ROBO2: variants seen among roughly 807,000 people sequenced by gnomAD.
The protein encoded by ROBO2 is roundabout homolog 2.
In ROBO2, 53 loss-of-function variants were observed where a neutral mutation model predicts 160.8. The ratio of observed to expected loss-of-function variants is 0.33; its 90% CI spans 0.26 to 0.41. The LOEUF is 0.41. ROBO2 is among the 10% of genes least tolerant of loss of function. ROBO2 has a pLI of 1.00. For synonymous variants in ROBO2, 664 were observed against 611.7 expected (o/e 1.09, Z -1.26); for missense variants, 1,577 against 1,722.4 (o/e 0.92, Z 1.49).
chr3:77,076,876 C>T (rs1318573242), intron 1 of ROBO2, among the ~76,000 whole-genome samples: 1 of 151,988 alleles, frequency 6.6e-6, no homozygotes, highest in African/African-American at 2.4e-5. Context: ...CAAACTGATA[C>T]TGATTAGTGC....
At chr3:76,810,277 G>A (rs1443169451) in intron 2 of ROBO2, among the ~76,000 whole-genome samples, 4 of 152,058 alleles carry the variant, frequency 2.6e-5, no homozygotes, top group South Asian at 2.1e-4. Flanking sequence ...TCAGTAACAC[G>A]GAGGAAGGTC....
At chr3:77,402,269 C>T (rs2153513173) in intron 2 of ROBO2, among the ~76,000 whole-genome samples, 1 of 152,102 alleles carries the variant, frequency 6.6e-6, no homozygotes, top group Non-Finnish European at 1.5e-5. Flanking sequence ...GGGAACATCA[C>T]ACACCGGGGC....
chr3:77,324,355 G>A (rs1581071926), intron 2 of ROBO2, among the ~76,000 whole-genome samples: 1 of 152,276 alleles, frequency 6.6e-6, no homozygotes, highest in East Asian at 1.9e-4. Context: ...CTGCATCTGT[G>A]AGTAATGCTA....
At chr3:77,134,844 C>T (rs992447670) in intron 2 of ROBO2, among the ~76,000 whole-genome samples, 1 of 152,198 alleles carries the variant, frequency 6.6e-6, no homozygotes, top group East Asian at 1.9e-4. Context: ...ACTCATAACC[C>T]TTAATAAGTC....
At chr3:76,519,573 TATCTAGCATTGTGGCCTATACTACA>T (rs910979060) in intron 2 of ROBO2, among the ~76,000 whole-genome samples, 1 of 152,074 alleles carries the variant, frequency 6.6e-6, no homozygotes, top group Non-Finnish European at 1.5e-5. Flanking sequence ...TCTAAGAAAA[TATCTAGCATTGTGGCCTATACTACA>T]ATCTCCCAGA....
chr3:77,167,393 A>G (rs973686621), intron 2 of ROBO2, among the ~76,000 whole-genome samples: 30 of 152,212 alleles, frequency 2.0e-4, no homozygotes, highest in Non-Finnish European at 3.5e-4. Context: ...GCTCTAATTT[A>G]GACTTCCAAG....
intron 2 of ROBO2, among the ~76,000 whole-genome samples, chr3:76,462,770 CTA>C (rs1339547521): frequency 6.6e-6 from 1 of 152,150 alleles, no homozygotes; most frequent in African/African-American, 2.4e-5. Context: ...GTGATGTAAA[CTA>C]TGTGAATTAC....
At chr3:76,831,444 TG>T (rs1340031742) in intron 2 of ROBO2, among the ~76,000 whole-genome samples, 1 of 152,180 alleles carries the variant, frequency 6.6e-6, no homozygotes, top group African/African-American at 2.4e-5. Flanking sequence ...TATCTAAATA[TG>T]TGAATTTGTA....
At chr3:76,648,436 C>A (rs1169889269) in intron 2 of ROBO2, among the ~76,000 whole-genome samples, 1 of 152,052 alleles carries the variant, frequency 6.6e-6, no homozygotes, top group Non-Finnish European at 1.5e-5. Flanking sequence ...AATGCACGAT[C>A]TTTGATTCAA....
intron 2 of ROBO2, among the ~76,000 whole-genome samples, chr3:76,481,899 A>C (rs1484414571): frequency 6.6e-6 from 1 of 152,134 alleles, no homozygotes; most frequent in Non-Finnish European, 1.5e-5. Context: ...TCCAGGCAGA[A>C]TACAAACAGT....
chr3:75,930,969 CTTAACG>C (rs1559760896), intron 1 of ROBO2, among the ~76,000 whole-genome samples: 1 of 152,184 alleles, frequency 6.6e-6, no homozygotes, highest in Non-Finnish European at 1.5e-5. Flanking sequence ...AAAGTGATCT[CTTAACG>C]TGTCTTTCAG....
At chr3:77,221,497 A>G (rs1054584940) in intron 2 of ROBO2, among the ~76,000 whole-genome samples, 3 of 152,042 alleles carry the variant, frequency 2.0e-5, no homozygotes, top group South Asian at 2.1e-4. Flanking sequence ...TCTTTTGTGT[A>G]TCTCATATCT....
chr3:76,716,074 T>C (rs965209076), intron 2 of ROBO2, among the ~76,000 whole-genome samples: 2 of 145,276 alleles, frequency 1.4e-5, no homozygotes, highest in Admixed American at 7.1e-5. Flanking sequence ...AATGGCCAAA[T>C]TTGTAAGACT....
At chr3:76,476,749 G>C (rs1457532509) in intron 2 of ROBO2, among the ~76,000 whole-genome samples, 4 of 152,000 alleles carry the variant, frequency 2.6e-5, no homozygotes, top group Non-Finnish European at 5.9e-5. Context: ...ATAAACTTCG[G>C]AAATGACCAG....
chr3:77,115,879 C>G (rs1296862995), intron 2 of ROBO2, among the ~76,000 whole-genome samples: 1 of 152,180 alleles, frequency 6.6e-6, no homozygotes, highest in East Asian at 1.9e-4. Flanking sequence ...TTTGGAGTGG[C>G]TGGTGTCTTG....
chr3:76,957,030 G>A (rs1002246887), intron 2 of ROBO2, among the ~76,000 whole-genome samples: 8 of 151,974 alleles, frequency 5.3e-5, no homozygotes, highest in African/African-American at 1.7e-4. Flanking sequence ...CAAATCTTAC[G>A]TTTAGGCACA....
rs899706991 is a variant in ROBO2, at chr3:75,978,803, C to T, written c.109+41201C>T. Among the ~76,000 whole-genome samples the T allele has an allele frequency of 7.3e-5, 11 of 151,554 alleles. No individual in the cohort carries two copies. The East Asian group carries it at 2.1e-3, about 30-fold the overall frequency. ...GTAATCTCTTTAAAGTGAGGTTTTG[C>T]TACAAACTTATGACATCTTATTGGC... is the stretch of plus-strand genomic sequence containing the variant. On this transcript the variant is annotated intron_variant, in intron 2 of 26. Transcript: ENST00000487694.
intron 2 of ROBO2, among the ~76,000 whole-genome samples, chr3:76,608,906 T>C (rs1330860322): frequency 6.6e-6 from 1 of 152,186 alleles, no homozygotes; most frequent in Non-Finnish European, 1.5e-5. Context: ...ATATGTAGTC[T>C]TTTTTCCCTC....
chr3:76,422,975 G>A (rs2076055711), intron 2 of ROBO2, among the ~76,000 whole-genome samples: 1 of 152,130 alleles, frequency 6.6e-6, no homozygotes, highest in Non-Finnish European at 1.5e-5. Flanking sequence ...AACTCGGTAG[G>A]ATACCTAAAG....
Sources: gnomAD v4.1 joint callset for allele counts (sites outside exome capture counted in the v4.1 genomes callset) on GRCh38, gnomAD v4.1.1 for gene constraint, MANE v1.5 for transcripts, NCBI Gene and HGNC (gene_info 2026-07-23, HGNC 2026-07-21) for gene names.